RELN: variants seen among roughly 807,000 people sequenced by gnomAD.
The protein encoded by RELN is reelin.
RELN carries 108 observed loss-of-function variants against 427.6 expected under a neutral mutation model. That is an observed-to-expected ratio of 0.25 (90% confidence interval 0.22 to 0.30). The LOEUF (loss-of-function observed/expected upper bound fraction) is 0.30. Among genes scored for constraint, RELN ranks in the 10% least tolerant of loss-of-function variants. RELN has a pLI of 1.00. For missense variants in RELN, 3,715 were observed against 4,302.8 expected (o/e 0.86, Z 3.82); for synonymous variants, 1,524 against 1,513.4 (o/e 1.01, Z -0.16).
At chr7:103,515,884 G>C (rs951224931) in intron 49 of RELN, among the ~76,000 whole-genome samples, 1 of 152,180 alleles carries the variant, frequency 6.6e-6, no homozygotes, top group Non-Finnish European at 1.5e-5. Flanking sequence ...GTGACTTGGG[G>C]TATGGACACT....
chr7:103,500,562 G>T (rs1828992603), intron 53 of RELN, among the ~76,000 whole-genome samples, 183 bp downstream of exon 53: 1 of 151,944 alleles, frequency 6.6e-6, no homozygotes, highest in East Asian at 1.9e-4. Flanking sequence ...AACTGTACTA[G>T]AACTTGATCC....
intron 28 of RELN, among the ~76,000 whole-genome samples, chr7:103,578,040 G>T (rs1356805174): frequency 6.6e-6 from 1 of 152,210 alleles, no homozygotes; most frequent in Non-Finnish European, 1.5e-5. Context: ...TCAGAGGGTT[G>T]AAGAATCCTA....
In RELN at chr7:103,486,250, A is replaced by G. The variant is rs1586472746; in HGVS notation, c.9930T>C (p.Asn3310=). Residue 3310 remains asparagine, a synonymous_variant, in exon 61 of 65, where the codon AAT becomes AAC. Transcript: ENST00000428762. ...TAGCTGCTTGCCTGATCTGACAGCC[A>G]TTAAAGTACAGTGAGTCTCCATGGG... ...PYAHGDSLYF[N]GCQIRQAATK... is the part of the protein sequence containing the mutation. 1 of 1,614,144 alleles carries G rather than the reference A, an allele frequency of 6.2e-7. No homozygotes were observed. Among genetic ancestry groups the G allele is most frequent in the Non-Finnish European group, 8.5e-7 (1 of 1,180,032 alleles).
At chr7:103,600,483 G>C (rs1054845050) in intron 24 of RELN, among the ~76,000 whole-genome samples, 11 of 152,132 alleles carry the variant, frequency 7.2e-5, no homozygotes, top group Non-Finnish European at 1.2e-4. Context: ...GTGAGAGCTG[G>C]CCTGCAAAAC....
chr7:103,984,153 TAAAA>T (rs71519166), intron 1 of RELN, among the ~76,000 whole-genome samples: 222 of 144,826 alleles, frequency 1.5e-3, no homozygotes, highest in African/African-American at 5.4e-3. Context: ...TCCCAGGAGG[TAAAA>T]AAAAAAAAAA....
At chr7:103,604,317 G>A (rs1158262797) in intron 23 of RELN, 29 bp downstream of exon 23, 1 of 1,613,196 alleles carries the variant, frequency 6.2e-7, no homozygotes, top group Non-Finnish European at 8.5e-7. Context: ...GAGAAGCATG[G>A]ACCTCATCGT....
At chr7:103,480,965 G>C (rs1828212581) in intron 63 of RELN, among the ~76,000 whole-genome samples, 1 of 152,200 alleles carries the variant, frequency 6.6e-6, no homozygotes, top group Admixed American at 6.5e-5. Context: ...CTTGATGCTG[G>C]TAGTTGCTTA....
At chr7:103,628,533 T>A (rs1832380115) in intron 20 of RELN, among the ~76,000 whole-genome samples, 1 of 152,242 alleles carries the variant, frequency 6.6e-6, no homozygotes, top group South Asian at 2.1e-4. Flanking sequence ...AGCTGTCATT[T>A]TGATGCTAGA....
chr7:103,966,378 T>TA (rs1328365284), intron 1 of RELN, among the ~76,000 whole-genome samples: 1 of 152,132 alleles, frequency 6.6e-6, no homozygotes, highest in Non-Finnish European at 1.5e-5. Flanking sequence ...TGGATGAACC[T>TA]AATGTGCACA....
intron 6 of RELN, among the ~76,000 whole-genome samples, chr7:103,746,558 A>G (rs537821092): frequency 1.3e-5 from 2 of 152,260 alleles, no homozygotes; most frequent in East Asian, 3.9e-4. Flanking sequence ...AATGAACTCA[A>G]TTTTACAAGA....
chr7:103,501,099 T>G (rs912251334), intron 52 of RELN, among the ~76,000 whole-genome samples, 177 bp from the exon 53 acceptor site: 2 of 152,216 alleles, frequency 1.3e-5, no homozygotes, highest in African/African-American at 4.8e-5. Context: ...AATGGAACTT[T>G]CAAGCTGGTT....
intron 40 of RELN, among the ~76,000 whole-genome samples, chr7:103,552,884 G>A (rs55837573): frequency 0.27 from 40,366 of 151,758 alleles, 5,555 homozygotes; most frequent in East Asian, 0.34. Flanking sequence ...ATTCTAAAAC[G>A]CTGGTATAAT....
At chr7:103,555,923 C>T (rs1056520639) in intron 38 of RELN, among the ~76,000 whole-genome samples, 1 of 152,122 alleles carries the variant, frequency 6.6e-6, no homozygotes, top group Non-Finnish European at 1.5e-5. Flanking sequence ...TTGCCTTTTC[C>T]ATTTTTGTGT....
At chr7:103,973,727 T>C (rs17157799) in intron 1 of RELN, among the ~76,000 whole-genome samples, 19,127 of 152,180 alleles carry the variant, frequency 0.13, 1,363 homozygotes, top group Middle Eastern at 0.28. Flanking sequence ...TTGAAAAATG[T>C]TGATATCAAG....
chr7:103,725,751 A>T (rs1436806927), intron 7 of RELN, among the ~76,000 whole-genome samples: 1 of 152,140 alleles, frequency 6.6e-6, no homozygotes, highest in East Asian at 1.9e-4. Flanking sequence ...TGAAATACAG[A>T]GACTTCACTG....
intron 2 of RELN, among the ~76,000 whole-genome samples, chr7:103,915,981 A>G (rs1385007744): frequency 6.6e-6 from 1 of 152,238 alleles, no homozygotes. Context: ...TTTGGACCTT[A>G]GAAGTAGTTA....
intron 1 of RELN, among the ~76,000 whole-genome samples, chr7:103,920,577 T>C (rs7800740): frequency 8.9e-6 from 1 of 111,924 alleles, no homozygotes; most frequent in Admixed American, 1.0e-4. Context: ...GTTTTTTTTT[T>C]TGTTTTTTTT....
At chr7:103,971,196 TCAGGATTAGAATC>T (rs1796757830) in intron 1 of RELN, among the ~76,000 whole-genome samples, 1 of 149,432 alleles carries the variant, frequency 6.7e-6, no homozygotes, top group Admixed American at 6.7e-5. Flanking sequence ...GGTAGTCAAG[TCAGGATTAGAATC>T]CAGGCATGTC....
chr7:103,585,351 T>C (rs963444123), intron 28 of RELN, among the ~76,000 whole-genome samples: 1 of 151,884 alleles, frequency 6.6e-6, no homozygotes, highest in Admixed American at 6.6e-5. Flanking sequence ...ATAAGCACAA[T>C]CAGAAATAAT....
Sources: gnomAD v4.1 joint callset for allele counts (sites outside exome capture counted in the v4.1 genomes callset) on GRCh38, gnomAD v4.1.1 for gene constraint, MANE v1.5 for transcripts, NCBI Gene and HGNC (gene_info 2026-07-23, HGNC 2026-07-21) for gene names.